KAT6A: variants seen among roughly 807,000 people sequenced by gnomAD.
The protein encoded by KAT6A is histone acetyltransferase KAT6A.
Under a neutral mutation model 198.4 loss-of-function variants are expected in KAT6A, and 9 were observed. The ratio of observed to expected loss-of-function variants is 0.05; its 90% CI spans 0.03 to 0.08. The LOEUF (loss-of-function observed/expected upper bound fraction) is 0.08, where lower values mean the gene tolerates loss of function less well. Among genes scored for constraint, KAT6A ranks in the 10% least tolerant of loss-of-function variants. The probability of loss-of-function intolerance (pLI) is 1.00; values close to 1 mark genes in which losing one functional copy is unlikely to be tolerated. For synonymous variants in KAT6A, 890 were observed against 883.0 expected, an observed-to-expected ratio of 1.01 and a Z score of -0.14; for missense variants, 2,077 against 2,509.9, an observed-to-expected ratio of 0.83 and a Z score of 3.69.
chr8:41,957,069 G>C, intron 8 of KAT6A: 1 of 599,862 alleles, frequency 1.7e-6, no homozygotes, highest in Non-Finnish European at 3.3e-6. Context: ...ACTGTCTGTT[G>C]TTTGAGGGTC....
chr8:41,952,362 C>T (rs956823277), intron 9 of KAT6A, among the ~76,000 whole-genome samples: 4 of 152,140 alleles, frequency 2.6e-5, no homozygotes, highest in Non-Finnish European at 5.9e-5. Context: ...CAAAGCAGCA[C>T]AGGAGCAGAG....
At chr8:42,014,896 T>G (rs1458966065) in intron 2 of KAT6A, among the ~76,000 whole-genome samples, 1 of 152,240 alleles carries the variant, frequency 6.6e-6, no homozygotes, top group South Asian at 2.1e-4. Context: ...CTTCGGTACA[T>G]GCAGTTATTA....
chr8:42,021,791 C>G (rs1296578106), intron 2 of KAT6A, among the ~76,000 whole-genome samples: 1 of 152,088 alleles, frequency 6.6e-6, no homozygotes, highest in African/African-American at 2.4e-5. Flanking sequence ...ATTAGGCTGG[C>G]TAATTAGACA....
chr8:41,954,185 T>G (rs1822806197), intron 9 of KAT6A, among the ~76,000 whole-genome samples: 1 of 152,238 alleles, frequency 6.6e-6, no homozygotes, highest in African/African-American at 2.4e-5. Context: ...GACTGTAGAC[T>G]AGAGAAGCAA....
intron 3 of KAT6A, among the ~76,000 whole-genome samples, chr8:41,986,059 G>A (rs908941054): frequency 3.9e-5 from 6 of 152,108 alleles, no homozygotes; most frequent in African/African-American, 1.2e-4. Flanking sequence ...TCCTGCCTCA[G>A]TCTCCTGAGT....
intron 2 of KAT6A, among the ~76,000 whole-genome samples, chr8:42,008,005 A>G (rs1825835514): frequency 6.6e-6 from 1 of 151,512 alleles, no homozygotes; most frequent in African/African-American, 2.4e-5. Context: ...TGTTAACTTC[A>G]TAATCCCAAT....
chr8:42,010,184 AG>A (rs1192939530), intron 2 of KAT6A, among the ~76,000 whole-genome samples: 1 of 152,110 alleles, frequency 6.6e-6, no homozygotes, highest in African/African-American at 2.4e-5. Flanking sequence ...GCACGCATGT[AG>A]TCCCAGCTAC....
At position 41,987,483 on chromosome 8, in the gene KAT6A, G is replaced by A; in HGVS notation, c.681C>T (p.Leu227=). 6.2e-7 allele frequency: 1 copy of A among 1,611,286 alleles called. No individual in the cohort carries two copies. Residue 227 remains leucine (L), a synonymous_variant, in exon 3 of 17, where the codon CTC becomes CTT. Coordinates refer to ENST00000265713, the MANE Select transcript of KAT6A (RefSeq NM_006766.5). The part of the protein sequence containing the change: ...EQNREKKPEE[L]ISCADCGNSG... ...TGTTGCCACAGTCGGCACAGGAGATGAGTTCCTCTGGCTTCTTTTCTCGGT... is the reference window on the plus strand; with the variant it reads ...TGTTGCCACAGTCGGCACAGGAGATAAGTTCCTCTGGCTTCTTTTCTCGGT...
At chr8:41,940,484 T>C (rs537846181) in intron 15 of KAT6A, among the ~76,000 whole-genome samples, 1 of 152,176 alleles carries the variant, frequency 6.6e-6, no homozygotes, top group Non-Finnish European at 1.5e-5. Flanking sequence ...TTCTAATCTG[T>C]ACATACTTTA....
intron 3 of KAT6A, among the ~76,000 whole-genome samples, chr8:41,985,934 TTTTG>T (rs1006218674): frequency 7.2e-5 from 11 of 152,004 alleles, no homozygotes; most frequent in Admixed American, 2.0e-4. Context: ...TAAGTTTTTT[TTTTG>T]TTTGTTTGTT....
intron 2 of KAT6A, among the ~76,000 whole-genome samples, chr8:42,047,022 G>A (rs954867143): frequency 6.6e-5 from 10 of 152,206 alleles, no homozygotes; most frequent in African/African-American, 1.9e-4. Flanking sequence ...TATTCAGTGG[G>A]CTGCTAATAA....
chr8:41,995,199 A>G (rs562807237), intron 2 of KAT6A, among the ~76,000 whole-genome samples: 1 of 152,222 alleles, frequency 6.6e-6, no homozygotes, highest in Non-Finnish European at 1.5e-5. Context: ...TGAGTTGGGT[A>G]TGAGCCTGAT....
At chr8:41,975,745 G>A (rs1824020319) in intron 7 of KAT6A, among the ~76,000 whole-genome samples, 1 of 152,174 alleles carries the variant, frequency 6.6e-6, no homozygotes, top group African/African-American at 2.4e-5. Context: ...GCCTATTAAA[G>A]CAAACGCTCA....
At chr8:42,016,390 C>G (rs1826272336) in intron 2 of KAT6A, among the ~76,000 whole-genome samples, 1 of 152,168 alleles carries the variant, frequency 6.6e-6, no homozygotes, top group African/African-American at 2.4e-5. Context: ...ATTAGTTAAA[C>G]CTTTCCCTTA....
Position 41,949,262 on chromosome 8 carries a change from G to T in KAT6A, c.1700C>A (p.Ala567Asp). 6.4e-7 allele frequency: 1 copy of T among 1,560,140 alleles called. No homozygotes were observed. The highest frequency in any genetic ancestry group is 8.7e-7 in the Non-Finnish European group (1 of 1,153,504). ...MKKCGWFHPP[A>D]NEIYRKNNIS... ...ATTATTCTTTCTGTAAATCTCATTG[G>T]CAGGAGGATGGAACCAACCACATTT... Residue 567 changes from alanine to aspartate, a missense_variant, in exon 10 of 17, where the codon GCC (alanine) becomes GAC (aspartate). This residue lies in a region of KAT6A where 46 missense variants were observed against 88.2 expected (regional missense o/e 0.52). Transcript: ENST00000265713.
At chr8:41,954,964 T>C (rs1822852137) in intron 9 of KAT6A, among the ~76,000 whole-genome samples, 2 of 152,204 alleles carry the variant, frequency 1.3e-5, no homozygotes, top group Admixed American at 1.3e-4. Flanking sequence ...TATTAATTTA[T>C]ATATGAGTTC....
At chr8:41,978,062 G>C (rs1345909414) in intron 6 of KAT6A, among the ~76,000 whole-genome samples, 2 of 152,146 alleles carry the variant, frequency 1.3e-5, no homozygotes, top group Non-Finnish European at 2.9e-5. Flanking sequence ...ACCTCCTCCA[G>C]ACATAGCCCA....
intron 2 of KAT6A, among the ~76,000 whole-genome samples, chr8:42,040,283 G>T (rs1463393184): frequency 1.3e-5 from 2 of 152,038 alleles, no homozygotes; most frequent in African/African-American, 4.8e-5. Context: ...GAAAAAACGA[G>T]GTTAAGACCA....
chr8:41,986,607 G>A (rs975308185), intron 3 of KAT6A, among the ~76,000 whole-genome samples: 3 of 152,002 alleles, frequency 2.0e-5, no homozygotes, highest in African/African-American at 7.3e-5. Context: ...ACTAAGACCT[G>A]ATTTAAATTA....
Sources: gnomAD v4.1 joint callset for allele counts (sites outside exome capture counted in the v4.1 genomes callset) on GRCh38, gnomAD v4.1.1 for gene constraint, gnomAD v4.1.1 regional missense constraint, MANE v1.5 for transcripts, NCBI Gene and HGNC (gene_info 2026-07-23, HGNC 2026-07-21) for gene names.